Variants in LUZP2 observed in about 807,000 individuals in gnomAD.
The protein encoded by LUZP2 is leucine zipper protein 2.
A neutral mutation model predicts 51.6 loss-of-function variants in LUZP2; 52 were observed. That is an observed-to-expected ratio of 1.01 (90% CI 0.81 to 1.27). The LOEUF (loss-of-function observed/expected upper bound fraction) is 1.27, where lower values mean the gene tolerates loss of function less well. Ranked by LOEUF, LUZP2 falls within the 50% of genes most tolerant of loss-of-function variation. LUZP2 has a pLI of 0.00. For missense variants in LUZP2, 436 were observed against 395.4 expected (o/e 1.10, Z -0.87); for synonymous variants, 154 against 137.3 (o/e 1.12, Z -0.85).
At chr11:25,043,947 T>A (rs1322599787) in intron 9 of LUZP2, among the ~76,000 whole-genome samples, 2 of 91,734 alleles carry the variant, frequency 2.2e-5, no homozygotes, top group Admixed American at 1.2e-4. Flanking sequence ...TCTACATATA[T>A]CTGATATATA....
chr11:24,813,325 C>A (rs1035383641), intron 5 of LUZP2, among the ~76,000 whole-genome samples: 2 of 152,212 alleles, frequency 1.3e-5, no homozygotes, highest in Non-Finnish European at 2.9e-5. Context: ...AAAGAACTAC[C>A]TGAGATGAGG....
At chr11:24,880,429 T>G (rs1163014665) in intron 5 of LUZP2, among the ~76,000 whole-genome samples, 1 of 152,192 alleles carries the variant, frequency 6.6e-6, no homozygotes, top group Non-Finnish European at 1.5e-5. Flanking sequence ...CACTTGATTT[T>G]TGGTAAGAAA....
chr11:24,845,656 G>T (rs552924316), intron 5 of LUZP2, among the ~76,000 whole-genome samples: 1 of 152,170 alleles, frequency 6.6e-6, no homozygotes, highest in African/African-American at 2.4e-5. Context: ...AATTATGGGG[G>T]TGGGTCTTTC....
intron 1 of LUZP2, among the ~76,000 whole-genome samples, chr11:24,678,424 T>A (rs1227478709): frequency 1.3e-5 from 2 of 152,344 alleles, no homozygotes; most frequent in East Asian, 3.9e-4. Context: ...TAGCATTTCC[T>A]TAGTCTCTCC....
At chr11:24,575,521 C>G (rs552031987) in intron 1 of LUZP2, among the ~76,000 whole-genome samples, 50 of 152,178 alleles carry the variant, frequency 3.3e-4, no homozygotes, top group African/African-American at 1.1e-3. Context: ...TTCATGATTC[C>G]TATGATTCAT....
At chr11:25,057,555 G>T (rs985670407) in intron 10 of LUZP2, among the ~76,000 whole-genome samples, 4 of 152,110 alleles carry the variant, frequency 2.6e-5, no homozygotes, top group Admixed American at 6.5e-5. Flanking sequence ...TTGCAAATGT[G>T]CCTCATATTG....
intron 10 of LUZP2, among the ~76,000 whole-genome samples, chr11:25,058,964 AAGTAG>A (rs1300360958): frequency 1.3e-5 from 2 of 152,220 alleles, no homozygotes; most frequent in Non-Finnish European, 1.5e-5. Flanking sequence ...TGGTGTTTCT[AAGTAG>A]CATGGTACTC....
At chr11:24,753,489 A>G (rs747787442) in intron 4 of LUZP2, among the ~76,000 whole-genome samples, 3 of 152,146 alleles carry the variant, frequency 2.0e-5, no homozygotes, top group African/African-American at 7.2e-5. Flanking sequence ...GGGAAAGATT[A>G]GAGTCCTATT....
At chr11:24,779,714 AT>A (rs1849033244) in intron 5 of LUZP2, among the ~76,000 whole-genome samples, 1 of 152,192 alleles carries the variant, frequency 6.6e-6, no homozygotes, top group South Asian at 2.1e-4. Context: ...GCAAAAATAT[AT>A]TTGTATATGT....
At chr11:24,677,421 G>A (rs947432885) in intron 1 of LUZP2, among the ~76,000 whole-genome samples, 1 of 152,136 alleles carries the variant, frequency 6.6e-6, no homozygotes, top group Non-Finnish European at 1.5e-5. Flanking sequence ...TCTTCGTGTA[G>A]GTATGGTAGA....
intron 1 of LUZP2, among the ~76,000 whole-genome samples, chr11:24,532,355 G>A (rs997714827): frequency 6.6e-6 from 1 of 150,786 alleles, no homozygotes; most frequent in Non-Finnish European, 1.5e-5. Flanking sequence ...TTAAATTAAA[G>A]TCTAAACATT....
chr11:24,893,520 C>A (rs1852922327), intron 5 of LUZP2, among the ~76,000 whole-genome samples: 1 of 151,920 alleles, frequency 6.6e-6, no homozygotes. Context: ...ATTAAAATAA[C>A]AACAGAGATC....
At chr11:24,520,877 A>G (rs950784403) in intron 1 of LUZP2, among the ~76,000 whole-genome samples, 1 of 152,192 alleles carries the variant, frequency 6.6e-6, no homozygotes, top group African/African-American at 2.4e-5. Context: ...CCAAAAACTC[A>G]ACCAAGGGTT....
chr11:24,624,585 C>T (rs1363570896), intron 1 of LUZP2, among the ~76,000 whole-genome samples: 1 of 151,926 alleles, frequency 6.6e-6, no homozygotes, highest in Non-Finnish European at 1.5e-5. Context: ...TAAGAAAGCT[C>T]TTGGTAATGG....
chr11:24,929,753 T>C (rs953494268), intron 7 of LUZP2, among the ~76,000 whole-genome samples: 1 of 152,154 alleles, frequency 6.6e-6, no homozygotes, highest in East Asian at 1.9e-4. Context: ...TAGGGTATAG[T>C]TTAAGTCCAT....
chr11:25,042,489 CAAG>C (rs1362881251), intron 9 of LUZP2, among the ~76,000 whole-genome samples: 2 of 152,080 alleles, frequency 1.3e-5, no homozygotes, highest in Non-Finnish European at 2.9e-5. Flanking sequence ...GAAATATAAT[CAAG>C]AGCTAGGAAA....
Position 24,520,608 on chromosome 11 carries a change from G to A in LUZP2, c.62+23303G>A, listed in dbSNP as rs141522381. Among the ~76,000 whole-genome samples, 270 of 152,288 alleles carry A rather than the reference G, an allele frequency of 1.8e-3. 1 individual carries two copies. The highest frequency in any genetic ancestry group is 6.2e-3 in the African/African-American group (257 of 41,564). ...GTCTTTCATTCACATGTTTGTGTTA[G>A]TATGTTAATTATCCTTTTTGGGGGC... On this transcript the variant is annotated intron_variant, in intron 1 of 11. Coordinates refer to ENST00000336930, the MANE Select transcript of LUZP2 (RefSeq NM_001009909.4).
At chr11:25,012,590 G>C (rs1046703085) in intron 9 of LUZP2, among the ~76,000 whole-genome samples, 3 of 151,996 alleles carry the variant, frequency 2.0e-5, no homozygotes, top group Non-Finnish European at 4.4e-5. Flanking sequence ...GTCTTATTAA[G>C]CTTTTATTTC....
Position 25,078,621 on chromosome 11 carries a change from T to C in LUZP2, c.1004T>C (p.Phe335Ser). ...KKAPEKPLTS[F>S]EGMAAREEKI... Reference sequence around the variant, plus strand: ...GCCCCAGAAAAACCATTGACCAGCTTTGAAGGGATGGCAGCTAGAGAAGAA... The same window carrying C: ...GCCCCAGAAAAACCATTGACCAGCTCTGAAGGGATGGCAGCTAGAGAAGAA... Residue 335 changes from phenylalanine to serine, a missense_variant, in exon 12 of 12, where the codon TTT (phenylalanine) becomes TCT (serine). Transcript: ENST00000336930. 1 of 1,610,726 alleles carries C rather than the reference T, an allele frequency of 6.2e-7. No individual in the cohort carries two copies.
Sources: allele counts gnomAD v4.1 joint callset (sites outside exome capture counted in the v4.1 genomes callset), GRCh38; gene constraint gnomAD v4.1.1; transcripts MANE v1.5; gene names NCBI Gene and HGNC (gene_info 2026-07-23, HGNC 2026-07-21).